Variants in DYNC1LI2 observed in about 807,000 individuals in gnomAD.
The protein encoded by DYNC1LI2 is dynein cytoplasmic 1 light intermediate chain 2.
A neutral mutation model predicts 57.8 loss-of-function variants in DYNC1LI2; 19 were observed. That is an observed-to-expected ratio of 0.33 (90% CI 0.23 to 0.48). DYNC1LI2 has a LOEUF of 0.48. DYNC1LI2 is among the 20% of genes least tolerant of loss of function. DYNC1LI2 has a pLI of 0.99. For missense variants in DYNC1LI2, 470 were observed against 604.2 expected, an observed-to-expected ratio of 0.78 and a Z score of 2.33; for synonymous variants, 256 against 233.4, an observed-to-expected ratio of 1.10 and a Z score of -0.88.
Position 66,751,368 on chromosome 16 carries a change from T to C in DYNC1LI2, c.108-22A>G. 6.2e-7 allele frequency: 1 copy of C among 1,609,076 alleles called. No homozygotes were observed. The highest frequency in any genetic ancestry group is 2.3e-5 in the East Asian group (1 of 44,310). On this transcript the variant is annotated intron_variant, in intron 1 of 12. Transcript: ENST00000258198. This position sits in a 1 kb window ranked among gnomAD's most constrained non-coding sequence, Gnocchi z 5.2. ...GGACCTGTGGCGACAATGGCAAGAG[T>C]GGTCAGCCCCGGGCCGGGCTGGGAT...
At chr16:66,726,504 A>C (rs2017538326) in intron 11 of DYNC1LI2, among the ~76,000 whole-genome samples, 1 of 152,152 alleles carries the variant, frequency 6.6e-6, no homozygotes, top group Admixed American at 6.5e-5. Context: ...TTTTAAAGTG[A>C]CTCCCTCAGC....
intron 4 of DYNC1LI2, among the ~76,000 whole-genome samples, chr16:66,741,897 CAAAAAAAAAAAAAA>C (rs66527903): frequency 1.9e-5 from 2 of 106,848 alleles, no homozygotes; most frequent in African/African-American, 7.2e-5. Context: ...ATGTTAATTA[CAAAAAAAAAAAAAA>C]AAAAAAAAAG....
intron 4 of DYNC1LI2, among the ~76,000 whole-genome samples, chr16:66,741,897 C>CAAAAAAAAAAAAAA (rs66527903): frequency 5.6e-5 from 6 of 106,848 alleles, no homozygotes; most frequent in Non-Finnish European, 9.4e-5. Context: ...ATGTTAATTA[C>CAAAAAAAAAAAAAA]AAAAAAAAAA....
intron 4 of DYNC1LI2, among the ~76,000 whole-genome samples, chr16:66,737,238 T>C (rs1175372321): frequency 6.6e-6 from 1 of 152,060 alleles, no homozygotes. Context: ...ATTGCGTCAC[T>C]GTACTCCAGT....
In DYNC1LI2 at chr16:66,721,340, T is replaced by A. The variant is rs2017448399; in HGVS notation, c.*2382A>T. 6.6e-6 allele frequency: 1 copy of A among 152,634 alleles called. No individual in the cohort carries two copies. Among genetic ancestry groups the A allele is most frequent in the African/African-American group, 2.4e-5 (1 of 41,462 alleles). 9.5% of individuals were successfully genotyped at this position (152,634 alleles called of 1,614,324 possible). On this transcript the variant is annotated 3_prime_UTR_variant, in exon 13 of 13. Coordinates refer to ENST00000258198, the MANE Select transcript of DYNC1LI2 (RefSeq NM_006141.3). ...AGGTGGGCTTTTCTCTGATTTTTTT[T>A]TTTATTTTAAAGACAAAAAGCAGAT... is the stretch of plus-strand genomic sequence containing the variant.
intron 4 of DYNC1LI2, among the ~76,000 whole-genome samples, chr16:66,741,073 G>C (rs1202744770): frequency 4.1e-5 from 6 of 146,656 alleles, no homozygotes; most frequent in Non-Finnish European, 5.9e-5. Flanking sequence ...CCTGGTACCT[G>C]GTACAGTATA....
At position 66,751,285 on chromosome 16, in the gene DYNC1LI2, T is replaced by C. The variant is rs1246960068; in HGVS notation, c.169A>G (p.Ile57Val). 6.2e-7 allele frequency: 1 copy of C among 1,611,286 alleles called. No individual in the cohort carries two copies. Among genetic ancestry groups the C allele is most frequent in the South Asian group, 1.1e-5 (1 of 90,850 alleles). The change falls in exon 2 of 13, where the codon ATC becomes GTC. Residue 57 changes from isoleucine to valine, a missense_variant. Physicochemically the swap from Ile to Val is conservative, Grantham distance 29 (BLOSUM62 3). Coordinates refer to ENST00000258198, the MANE Select transcript of DYNC1LI2 (RefSeq NM_006141.3). This position sits in a 1 kb window ranked among gnomAD's most constrained non-coding sequence, Gnocchi z 5.2. ...ARSKLPSGKN[I>V]LVFGEDGSGK... ...CGCCGGCGCTCACCGAAGACCAGGA[T>C]GTTCTTGCCGGACGGCAGCTTGGAC...
intron 4 of DYNC1LI2, chr16:66,738,298 G>A (rs543029473): frequency 4.8e-5 from 7 of 144,972 alleles, no homozygotes; most frequent in Admixed American, 4.2e-4. Flanking sequence ...GCCGAGGCTG[G>A]AGTGCAGTGG....
intron 11 of DYNC1LI2, among the ~76,000 whole-genome samples, chr16:66,726,719 G>A (rs1403152711): frequency 1.3e-5 from 2 of 151,920 alleles, no homozygotes; most frequent in East Asian, 3.9e-4. Flanking sequence ...TCGGCTCACT[G>A]CAACCTCCAC....
At chr16:66,733,715 A>C (rs1450475085) in intron 6 of DYNC1LI2, among the ~76,000 whole-genome samples, 1 of 151,908 alleles carries the variant, frequency 6.6e-6, no homozygotes, top group Non-Finnish European at 1.5e-5. Context: ...CAAAACAAAC[A>C]AACAAAAATC....
chr16:66,725,343 T>C (rs897234047), intron 12 of DYNC1LI2, among the ~76,000 whole-genome samples: 1 of 151,830 alleles, frequency 6.6e-6, no homozygotes, highest in South Asian at 2.1e-4. Flanking sequence ...TAGCTGGGCA[T>C]GATGGCACGC....
At chr16:66,728,110 C>G (rs1327197451) in intron 10 of DYNC1LI2, 91 bp downstream of exon 10, 1 of 1,537,954 alleles carries the variant, frequency 6.5e-7, no homozygotes, top group Admixed American at 1.8e-5. Flanking sequence ...ACAAAACCCA[C>G]ACAAATATAC....
At chr16:66,732,620 G>T in intron 6 of DYNC1LI2, 146 bp from the exon 7 acceptor site, 1 of 797,934 alleles carries the variant, frequency 1.3e-6, no homozygotes, top group Non-Finnish European at 1.8e-6. Context: ...AAACTAAAAC[G>T]CTTATAGTAT....
intron 4 of DYNC1LI2, chr16:66,739,317 A>T (rs1456989007): frequency 6.6e-6 from 1 of 152,174 alleles, no homozygotes; most frequent in Admixed American, 6.5e-5. Flanking sequence ...GCTGTTTTTT[A>T]CCTGTGCCAT....
In DYNC1LI2 at chr16:66,727,692, G is replaced by C; in HGVS notation, c.1257C>G (p.Ile419Met). ...GTSVKKPDPNIKNNAASEGVL... is the reference protein window; with the variant it reads ...GTSVKKPDPNMKNNAASEGVL... ...ATACTTTTGAGGAATACATACTTTT[G>C]ATGTTTGGGTCCGGCTTTTTTACTG... The change falls in exon 11 of 13, where the codon ATC becomes ATG. Residue 419 changes from isoleucine to methionine, a missense_variant. Physicochemically the swap from Ile to Met is conservative, Grantham distance 10. Coordinates refer to ENST00000258198, the MANE Select transcript of DYNC1LI2 (RefSeq NM_006141.3). 1 of 1,614,000 alleles carries C rather than the reference G, an allele frequency of 6.2e-7. No individual in the cohort carries two copies. The highest frequency in any genetic ancestry group is 1.1e-5 in the South Asian group (1 of 91,052).
intron 12 of DYNC1LI2, among the ~76,000 whole-genome samples, chr16:66,725,111 T>C (rs1396457729): frequency 6.9e-6 from 1 of 145,444 alleles, no homozygotes; most frequent in African/African-American, 2.6e-5. Flanking sequence ...GTGGTGGAGG[T>C]TGGCAGTGAG....
chr16:66,747,716 T>C (rs770468429), intron 3 of DYNC1LI2, among the ~76,000 whole-genome samples: 3 of 151,784 alleles, frequency 2.0e-5, no homozygotes, highest in Non-Finnish European at 2.9e-5. Context: ...GCTACAGGCA[T>C]GCACCACCAC....
In DYNC1LI2 at chr16:66,721,286, T is replaced by C. The variant is rs185055465; in HGVS notation, c.*2436A>G. The C allele has an allele frequency of 2.0e-5, 3 of 152,656 alleles. No individual in the cohort carries two copies. The highest frequency in any genetic ancestry group is 6.5e-5 in the Admixed American group (1 of 15,278). 9.5% of individuals were successfully genotyped at this position (152,656 alleles called of 1,614,324 possible). ...TTGCATTTTTAGGAAAGACCAATTC[T>C]TGGCTGTTATCTTCAGCCACGTATT... On this transcript the variant is annotated 3_prime_UTR_variant, in exon 13 of 13. Coordinates refer to ENST00000258198, the MANE Select transcript of DYNC1LI2 (RefSeq NM_006141.3).
chr16:66,736,143 C>A lies in DYNC1LI2; in HGVS notation c.631G>T (p.Ala211Ser). 6.2e-7 allele frequency: 1 copy of A among 1,614,112 alleles called. No homozygotes were observed. The highest frequency in any genetic ancestry group is 8.5e-7 in the Non-Finnish European group (1 of 1,180,030). The change falls in exon 5 of 13, where the codon GCC becomes TCC. Residue 211 changes from alanine to serine, a missense_variant. Transcript: ENST00000258198. The part of the protein sequence containing the change: ...LTSGSDEENV[A>S]LPLGDNVLTH... Reference sequence around the variant, plus strand: ...AGCACATTGTCACCCAGAGGCAGGGCAACATTTTCTTCATCGGAGCCTGAG... The same window carrying A: ...AGCACATTGTCACCCAGAGGCAGGGAAACATTTTCTTCATCGGAGCCTGAG...
Sources: allele counts gnomAD v4.1 joint callset (sites outside exome capture counted in the v4.1 genomes callset), GRCh38; gene constraint gnomAD v4.1.1; non-coding constraint Gnocchi (gnomAD v3.1); transcripts MANE v1.5; gene names NCBI Gene and HGNC (gene_info 2026-07-23, HGNC 2026-07-21).